IPCEF1: variants seen among roughly 807,000 people sequenced by gnomAD.
IPCEF1 encodes the protein interactor protein for cytohesin exchange factors 1.
A neutral mutation model predicts 50.9 loss-of-function variants in IPCEF1; 31 were observed. The observed-to-expected ratio is 0.61, with a 90% CI of 0.46 to 0.82. The LOEUF is 0.82. IPCEF1 is among the 40% of genes least tolerant of loss of function. The pLI, the probability that IPCEF1 is intolerant of heterozygous loss-of-function variation, is 0.00. For missense variants in IPCEF1, 458 were observed against 514.0 expected, an observed-to-expected ratio of 0.89 and a Z score of 1.05; for synonymous variants, 181 against 192.0, an observed-to-expected ratio of 0.94 and a Z score of 0.47.
intron 1 of IPCEF1, among the ~76,000 whole-genome samples, chr6:154,341,441 G>C (rs1783916380): frequency 6.6e-6 from 1 of 152,214 alleles, no homozygotes; most frequent in South Asian, 2.1e-4. Context: ...TGGAGGTTAT[G>C]ATTGATATTG....
chr6:154,165,625 G>A (rs571257971), intron 11 of IPCEF1, among the ~76,000 whole-genome samples: 2 of 152,356 alleles, frequency 1.3e-5, no homozygotes, highest in African/African-American at 4.8e-5. Context: ...CCCTAGCTGG[G>A]TGGGGCAGGC....
chr6:154,210,941 T>C (rs1777908324), intron 9 of IPCEF1, among the ~76,000 whole-genome samples: 1 of 152,214 alleles, frequency 6.6e-6, no homozygotes, highest in African/African-American at 2.4e-5. Context: ...TAGAGGTCAT[T>C]ATTTAAATAA....
intron 6 of IPCEF1, among the ~76,000 whole-genome samples, chr6:154,221,701 G>A (rs538976345): frequency 4.6e-5 from 7 of 152,020 alleles, no homozygotes; most frequent in South Asian, 4.2e-4. Flanking sequence ...GTGAAACCCC[G>A]TCTCTACTAA....
chr6:154,210,142 C>G (rs1777848390), intron 9 of IPCEF1, among the ~76,000 whole-genome samples: 1 of 152,126 alleles, frequency 6.6e-6, no homozygotes, highest in Non-Finnish European at 1.5e-5. Context: ...TTTTATTTCA[C>G]CAGGGAGAGT....
chr6:154,216,849 C>G (rs1374598117), intron 7 of IPCEF1: 1 of 152,480 alleles, frequency 6.6e-6, no homozygotes, highest in African/African-American at 2.4e-5. Context: ...GCCTGGGCGA[C>G]AGAGTGAGAC....
chr6:154,229,568 G>C (rs940401719), intron 5 of IPCEF1, among the ~76,000 whole-genome samples: 2 of 151,852 alleles, frequency 1.3e-5, no homozygotes, highest in African/African-American at 4.8e-5. Flanking sequence ...GTGTTAGCCA[G>C]GACGGTCTCG....
At chr6:154,218,530 C>T (rs186171351) in intron 7 of IPCEF1, among the ~76,000 whole-genome samples, 155 of 152,244 alleles carry the variant, frequency 1.0e-3, no homozygotes, top group African/African-American at 3.6e-3. Context: ...CTCCCTCCCC[C>T]ACACCTCTCA....
intron 1 of IPCEF1, among the ~76,000 whole-genome samples, chr6:154,300,528 C>T (rs1189597118): frequency 1.3e-5 from 2 of 152,054 alleles, no homozygotes; most frequent in East Asian, 1.9e-4. Flanking sequence ...GTGGGAGGAT[C>T]CCTTGAGTTT....
intron 1 of IPCEF1, among the ~76,000 whole-genome samples, chr6:154,313,083 A>AAAAAAAAAAC: frequency 1.3e-5 from 2 of 149,930 alleles, no homozygotes; most frequent in Admixed American, 6.6e-5. Flanking sequence ...AAAAAAAAAA[A>AAAAAAAAAAC]AAACATGGCC....
At chr6:154,293,640 G>A (rs949307799) in intron 1 of IPCEF1, among the ~76,000 whole-genome samples, 8 of 152,174 alleles carry the variant, frequency 5.3e-5, no homozygotes, top group South Asian at 2.1e-4. Context: ...AAAAATACCC[G>A]GAGAAAAAAA....
intron 7 of IPCEF1, among the ~76,000 whole-genome samples, chr6:154,220,868 A>C (rs754634952): frequency 2.0e-5 from 3 of 152,250 alleles, no homozygotes; most frequent in African/African-American, 4.8e-5. Context: ...GTGAATCATC[A>C]CGATAATCAC....
chr6:154,234,738 AGGAGATCACTT>A lies in IPCEF1; in HGVS notation c.247-11506_247-11496del, dbSNP rs567525792. ...GAAAGAGGGAAAGGGCTCTGAAGTA[AGGAGATCACTT>A]GGAGCAAAATCATATTTTAAGTGAA... On this transcript the variant is annotated intron_variant, in intron 5 of 11. Transcript: ENST00000367220. Among the ~76,000 whole-genome samples the A allele has an allele frequency of 2.7e-3, 408 of 152,360 alleles. 2 individuals carry two copies. Among genetic ancestry groups the A allele is most frequent in the African/African-American group, 9.6e-3 (398 of 41,568 alleles).
chr6:154,327,471 C>T (rs1783550653), intron 1 of IPCEF1, among the ~76,000 whole-genome samples: 1 of 152,070 alleles, frequency 6.6e-6, no homozygotes, highest in Non-Finnish European at 1.5e-5. Context: ...GGAAAAAAAG[C>T]TCAAAATCAC....
At chr6:154,353,002 G>A (rs1444552268) in intron 1 of IPCEF1, among the ~76,000 whole-genome samples, 10 of 152,148 alleles carry the variant, frequency 6.6e-5, no homozygotes, top group Admixed American at 6.6e-4. Flanking sequence ...GTCATCCAGA[G>A]AAAATAACCC....
At chr6:154,213,131 G>T (rs913288026) in intron 8 of IPCEF1, 11 of 398,246 alleles carry the variant, frequency 2.8e-5, no homozygotes, top group Non-Finnish European at 5.1e-5. Flanking sequence ...CTCAAAAGAG[G>T]TGTGAGTCAT....
chr6:154,354,808 G>A (rs1042873887), intron 1 of IPCEF1, among the ~76,000 whole-genome samples: 5 of 152,070 alleles, frequency 3.3e-5, no homozygotes, highest in African/African-American at 9.7e-5. Context: ...TTTTTAAAGT[G>A]CCTGAGTAAC....
At chr6:154,236,576 C>T (rs1197083305) in intron 5 of IPCEF1, among the ~76,000 whole-genome samples, 2 of 152,188 alleles carry the variant, frequency 1.3e-5, no homozygotes, top group African/African-American at 4.8e-5. Context: ...AATTTTAAAG[C>T]TACTACTCTG....
intron 11 of IPCEF1, among the ~76,000 whole-genome samples, chr6:154,163,420 A>G (rs1262888035): frequency 1.3e-5 from 2 of 152,186 alleles, no homozygotes; most frequent in African/African-American, 2.4e-5. Flanking sequence ...GAGGCCTTTC[A>G]TGTCCTTCCT....
chr6:154,192,507 C>G (rs1232504021), intron 10 of IPCEF1, among the ~76,000 whole-genome samples: 1 of 152,002 alleles, frequency 6.6e-6, no homozygotes, highest in Non-Finnish European at 1.5e-5. Flanking sequence ...GAAAACCAAA[C>G]ATTTGAACTT....
Sources: gnomAD v4.1 joint callset for allele counts (sites outside exome capture counted in the v4.1 genomes callset) on GRCh38, gnomAD v4.1.1 for gene constraint, MANE v1.5 for transcripts, NCBI Gene and HGNC (gene_info 2026-07-23, HGNC 2026-07-21) for gene names.